Variants in NHSL1 observed in about 807,000 individuals in gnomAD.
NHSL1 encodes NHS-like protein 1.
A neutral mutation model predicts 95.0 loss-of-function variants in NHSL1; 48 were observed. The ratio of observed to expected loss-of-function variants is 0.51; its 90% CI spans 0.40 to 0.64. The LOEUF (loss-of-function observed/expected upper bound fraction) is 0.64, where lower values mean the gene tolerates loss of function less well. Ranked by LOEUF, NHSL1 falls within the 30% of genes least tolerant of loss-of-function variation. NHSL1 has a pLI of 0.00. For synonymous variants in NHSL1, 783 were observed against 833.9 expected (o/e 0.94, Z 1.05); for missense variants, 1,971 against 2,077.7 (o/e 0.95, Z 1.00).
chr6:138,589,103 G>A (rs1009110128), intron 1 of NHSL1, among the ~76,000 whole-genome samples: 1 of 152,180 alleles, frequency 6.6e-6, no homozygotes, highest in Admixed American at 6.5e-5. Flanking sequence ...AATTGCAGTA[G>A]GAACCCGCAA....
At chr6:138,600,718 G>T (rs750660207) in intron 1 of NHSL1, among the ~76,000 whole-genome samples, 1 of 152,118 alleles carries the variant, frequency 6.6e-6, no homozygotes, top group Non-Finnish European at 1.5e-5. Context: ...CCAACACTTA[G>T]ATCTTACTAT....
At chr6:138,625,321 T>C (rs1220129963) in intron 1 of NHSL1, among the ~76,000 whole-genome samples, 2 of 152,130 alleles carry the variant, frequency 1.3e-5, no homozygotes, top group Admixed American at 6.5e-5. Flanking sequence ...TTTTGTATTT[T>C]TAGTAGAGAC....
chr6:138,550,708 T>G (rs1283563948), upstream of NHSL1, among the ~76,000 whole-genome samples: 1 of 152,206 alleles, frequency 6.6e-6, no homozygotes, highest in East Asian at 1.9e-4. Flanking sequence ...TTCCATAAAA[T>G]AGTGGGGATG....
In NHSL1 at chr6:138,629,381, C is replaced by CTTT. The variant is rs1215071709; in HGVS notation, c.96+63092_96+63094dup. Reference sequence around the variant, plus strand: ...ATTTTACATCAGTATTTCTTTCTTTCTTTCTTTCTTTTTTTTTTGAGACGG... The same window carrying CTTT: ...ATTTTACATCAGTATTTCTTTCTTTCTTTTTTCTTTCTTTTTTTTTTGAGACGG... On this transcript the variant is annotated intron_variant, in intron 1 of 3. Transcript: ENST00000491526. Among the ~76,000 whole-genome samples, 2 of 138,820 alleles carry CTTT rather than the reference C, an allele frequency of 1.4e-5. 1 individual carries two copies. 91.1% of individuals were successfully genotyped at this position (138,820 alleles called of 152,430 possible).
chr6:138,541,013 A>T (rs1782557402), intron 1 of NHSL1, among the ~76,000 whole-genome samples: 1 of 152,200 alleles, frequency 6.6e-6, no homozygotes, highest in Admixed American at 6.5e-5. Context: ...GATGCTTATA[A>T]AATATAGTGA....
chr6:138,580,070 A>C (rs374065146), intron 1 of NHSL1, among the ~76,000 whole-genome samples: 4 of 152,236 alleles, frequency 2.6e-5, no homozygotes, highest in East Asian at 1.9e-4. Flanking sequence ...AGCATCCAGG[A>C]AGCAAAAATA....
At position 138,433,019 on chromosome 6, in the gene NHSL1, G is replaced by A. The variant is rs559818771; in HGVS notation, c.1326C>T (p.Gly442=). The part of the protein sequence containing the change: ...SAGQRESKSS[G]SSHARIKSRD... ...TGGATTTTATCCTTGCATGTGATGA[G>A]CCAGAACTTTTACTTTCCCGCTGTC... Residue 442 remains glycine, a synonymous_variant, in exon 6 of 8, where the codon GGC becomes GGT. Transcript: ENST00000343505. 10 of 1,551,628 alleles carry A rather than the reference G, an allele frequency of 6.4e-6. No homozygotes were observed. The East Asian group carries it at 1.7e-4, about 27-fold the overall frequency.
intron 1 of NHSL1, among the ~76,000 whole-genome samples, chr6:138,542,229 G>C (rs541867196): frequency 6.6e-6 from 1 of 152,190 alleles, no homozygotes; most frequent in African/African-American, 2.4e-5. Flanking sequence ...GAAATGCCTG[G>C]AGCCATCAGG....
At chr6:138,675,008 A>G (rs1785430298) in intron 1 of NHSL1, among the ~76,000 whole-genome samples, 1 of 151,218 alleles carries the variant, frequency 6.6e-6, no homozygotes, top group East Asian at 2.0e-4. Flanking sequence ...GAGAACTATG[A>G]TCCTGTCATT....
intron 2 of NHSL1, among the ~76,000 whole-genome samples, chr6:138,488,677 G>A (rs921828559): frequency 6.6e-6 from 1 of 152,178 alleles, no homozygotes; most frequent in Non-Finnish European, 1.5e-5. Flanking sequence ...TTTAGGCAAC[G>A]ATGAGCCAAT....
chr6:138,500,504 G>A (rs1780616752), upstream of NHSL1, among the ~76,000 whole-genome samples: 1 of 152,322 alleles, frequency 6.6e-6, no homozygotes, highest in South Asian at 2.1e-4. Flanking sequence ...TCCACTTCAT[G>A]GCCAAACACT....
chr6:138,429,750 C>T lies in NHSL1; in HGVS notation c.4046G>A (p.Arg1349Gln), dbSNP rs1240970495. Residue 1349 changes from arginine to glutamine, a missense_variant, in exon 7 of 8, where the codon CGA becomes CAA. Physicochemically the swap from Arg to Gln is conservative, Grantham distance 43. This residue lies in a region of NHSL1 where 146 missense variants were observed against 206.3 expected (regional missense o/e 0.71). Transcript: ENST00000343505. The part of the protein sequence containing the change: ...DGNDEVMTPS[R>Q]PRTTEDLFAA... ...AAAAAGGTCTTCTGTGGTCCTGGGT[C>T]GACTGGGGGTCATTACCTCATCATT... The T allele has an allele frequency of 2.2e-5, 34 of 1,551,718 alleles. No individual in the cohort carries two copies. In the East Asian group the frequency reaches 2.2e-4, roughly 10 times the overall value.
At chr6:138,564,925 G>A (rs1440236825) in intron 1 of NHSL1, among the ~76,000 whole-genome samples, 2 of 152,184 alleles carry the variant, frequency 1.3e-5, no homozygotes, top group African/African-American at 2.4e-5. Context: ...CAGGGAATAA[G>A]AGGGAACGGG....
chr6:138,586,457 G>T lies in NHSL1; in HGVS notation c.97-90086C>A, dbSNP rs184834667. On this transcript the variant is annotated intron_variant, in intron 1 of 3. Transcript: ENST00000491526. ...ATTCAGCACATAGGGAATTATAGCA[G>T]GGTATAGCCTACACTTGAGGTACAG... Among the ~76,000 whole-genome samples, 4 of 152,244 alleles carry T rather than the reference G, an allele frequency of 2.6e-5. No individual in the cohort carries two copies. The East Asian group carries it at 7.7e-4, about 29-fold the overall frequency.
intron 1 of NHSL1, among the ~76,000 whole-genome samples, chr6:138,630,082 G>T (rs1784797823): frequency 6.6e-6 from 1 of 152,126 alleles, no homozygotes. Context: ...TGGCATGGTG[G>T]CACATGCCTG....
chr6:138,462,237 T>C lies in NHSL1; in HGVS notation c.339+11069A>G, dbSNP rs74411904. On this transcript the variant is annotated intron_variant, in intron 3 of 7. Coordinates refer to ENST00000343505, the MANE Select transcript of NHSL1 (RefSeq NM_001144060.2). ...TCACAGGTTGGGAAGTTCAAGGGCA[T>C]GGCCCTGGCTTCTGGCAATGGCTCT... Among the ~76,000 whole-genome samples, 667 of 152,338 alleles carry C rather than the reference T, an allele frequency of 4.4e-3. 6 individuals carry two copies. The highest frequency in any genetic ancestry group is 0.015 in the African/African-American group (637 of 41,578).
At chr6:138,598,834 G>A (rs1784335660) in intron 1 of NHSL1, among the ~76,000 whole-genome samples, 1 of 152,120 alleles carries the variant, frequency 6.6e-6, no homozygotes, top group African/African-American at 2.4e-5. Context: ...TTCATTCAAA[G>A]ACGACTGCAT....
intron 1 of NHSL1, among the ~76,000 whole-genome samples, chr6:138,551,817 T>G (rs1783014332): frequency 6.6e-6 from 1 of 152,210 alleles, no homozygotes; most frequent in African/African-American, 2.4e-5. Context: ...CGCGGGTTTT[T>G]GCTCTGGACA....
intron 1 of NHSL1, among the ~76,000 whole-genome samples, chr6:138,654,271 C>CA (rs1228145647): frequency 6.6e-6 from 1 of 151,478 alleles, no homozygotes; most frequent in East Asian, 1.9e-4. Flanking sequence ...AATATGCTTG[C>CA]AAAAAAAATT....
Sources: gnomAD v4.1 joint callset for allele counts (sites outside exome capture counted in the v4.1 genomes callset) on GRCh38, gnomAD v4.1.1 for gene constraint, gnomAD v4.1.1 regional missense constraint, MANE v1.5 for transcripts, NCBI Gene and HGNC (gene_info 2026-07-23, HGNC 2026-07-21) for gene names.